Variants in GRID1 observed in about 807,000 individuals in gnomAD.
GRID1 encodes the protein glutamate ionotropic receptor delta type subunit 1.
In GRID1, 28 loss-of-function variants were observed where a neutral mutation model predicts 98.0. The observed-to-expected ratio is 0.29, with a 90% CI of 0.21 to 0.39. The LOEUF is 0.39. Among genes scored for constraint, GRID1 ranks in the 10% least tolerant of loss-of-function variants. The pLI is 1.00. For missense variants in GRID1, 1,111 were observed against 1,340.5 expected, an observed-to-expected ratio of 0.83 and a Z score of 2.67; for synonymous variants, 553 against 538.5, an observed-to-expected ratio of 1.03 and a Z score of -0.37.
intron 4 of GRID1, chr10:86,052,513 G>A (rs1488813222): frequency 6.6e-6 from 1 of 152,154 alleles, no homozygotes; most frequent in African/African-American, 2.4e-5. Context: ...GCAGAGTTAG[G>A]CCTGGTTAGT....
At chr10:86,032,587 G>A (rs995290149) in intron 4 of GRID1, among the ~76,000 whole-genome samples, 10 of 152,090 alleles carry the variant, frequency 6.6e-5, no homozygotes, top group South Asian at 6.2e-4. Flanking sequence ...GATTAAGGGC[G>A]GTGCAAGATG....
intron 13 of GRID1, among the ~76,000 whole-genome samples, chr10:85,630,400 G>C (rs1198752585): frequency 6.6e-6 from 1 of 152,126 alleles, no homozygotes; most frequent in Admixed American, 6.5e-5. Flanking sequence ...ACAACAACAC[G>C]TTATTCTCAT....
At chr10:85,868,594 A>C (rs1843245405) in intron 6 of GRID1, among the ~76,000 whole-genome samples, 1 of 152,168 alleles carries the variant, frequency 6.6e-6, no homozygotes, top group Non-Finnish European at 1.5e-5. Flanking sequence ...GTGCTGGGAT[A>C]GTCCCATCTT....
At chr10:86,075,189 A>G (rs1006411422) in intron 4 of GRID1, among the ~76,000 whole-genome samples, 91 of 145,458 alleles carry the variant, frequency 6.3e-4, no homozygotes, top group Middle Eastern at 6.8e-3. Context: ...CCCCTTCCAA[A>G]ATTCATATGC....
At chr10:86,341,679 T>G (rs1250575296) in intron 2 of GRID1, among the ~76,000 whole-genome samples, 3 of 152,180 alleles carry the variant, frequency 2.0e-5, no homozygotes, top group Non-Finnish European at 2.9e-5. Flanking sequence ...GCCTGGCATT[T>G]ACATCTGCGG....
intron 8 of GRID1, among the ~76,000 whole-genome samples, chr10:85,810,259 C>T (rs1842659329): frequency 6.6e-6 from 1 of 152,148 alleles, no homozygotes; most frequent in African/African-American, 2.4e-5. Flanking sequence ...CCATGGGATT[C>T]CACCATCTCT....
chr10:85,728,799 G>T (rs549633927), intron 9 of GRID1, among the ~76,000 whole-genome samples: 1 of 152,144 alleles, frequency 6.6e-6, no homozygotes, highest in African/African-American at 2.4e-5. Flanking sequence ...AGGGTGTAAA[G>T]CTTATCTGTG....
At chr10:86,241,414 C>G (rs1412978311) in intron 2 of GRID1, among the ~76,000 whole-genome samples, 4 of 149,684 alleles carry the variant, frequency 2.7e-5, no homozygotes, top group East Asian at 2.0e-4. Flanking sequence ...CAGGGGGGCC[C>G]CCTACAGCCG....
At chr10:85,614,813 C>T (rs148783772) in intron 14 of GRID1, among the ~76,000 whole-genome samples, 1 of 152,136 alleles carries the variant, frequency 6.6e-6, no homozygotes, top group Admixed American at 6.5e-5. Context: ...CTTCTATACT[C>T]CCCATTGTGG....
intron 12 of GRID1, among the ~76,000 whole-genome samples, chr10:85,705,332 C>T (rs1490929413): frequency 3.3e-5 from 5 of 152,276 alleles, no homozygotes; most frequent in South Asian, 2.1e-4. Flanking sequence ...ATAAACACCT[C>T]TACACAAATA....
At position 85,737,666 on chromosome 10, in the gene GRID1, ATATATAT is replaced by A. The variant is rs1564575087; in HGVS notation, c.1234-8059_1234-8053del. Among the ~76,000 whole-genome samples the A allele has an allele frequency of 3.8e-4, 51 of 133,998 alleles. 5 individuals carry two copies. The highest frequency in any genetic ancestry group is 1.1e-3 in the African/African-American group (39 of 35,464). The allele number at this position is 133,998 out of a possible 152,430, so 87.9% of individuals were successfully genotyped here. On this transcript the variant is annotated intron_variant, in intron 8 of 15. Transcript: ENST00000327946. ...GCCAGATATATATATATATATATAT[ATATATAT>A]AAACATATATGGTTATATATATATA... is the stretch of plus-strand genomic sequence containing the variant.
chr10:86,221,070 TA>T (rs1390518610), intron 2 of GRID1, among the ~76,000 whole-genome samples: 2 of 152,186 alleles, frequency 1.3e-5, no homozygotes, highest in East Asian at 3.9e-4. Flanking sequence ...CTGCTCCTAA[TA>T]TTTTCTGAGA....
chr10:86,206,931 G>T lies in GRID1; in HGVS notation c.236-283C>A, dbSNP rs1050514654. ...ATTTGCCCTAGGCTAGTCAGGGAAG[G>T]ATGGTAGAGCACAGATCCATCCCAA... On this transcript the variant is annotated intron_variant, in intron 2 of 15. Transcript: ENST00000327946. The surrounding 1 kb of genome is among the most constrained non-coding windows in gnomAD (Gnocchi z 4.1). Among the ~76,000 whole-genome samples the T allele has an allele frequency of 1.3e-5, 2 of 152,234 alleles. No individual in the cohort carries two copies. Among genetic ancestry groups the T allele is most frequent in the Non-Finnish European group, 2.9e-5 (2 of 68,046 alleles).
At chr10:85,954,557 G>A (rs1477083935) in intron 4 of GRID1, among the ~76,000 whole-genome samples, 1 of 152,008 alleles carries the variant, frequency 6.6e-6, no homozygotes, top group Admixed American at 6.6e-5. Flanking sequence ...ATTATAAAAG[G>A]GCCAAAGATA....
chr10:86,226,260 T>G (rs911596669), intron 2 of GRID1, among the ~76,000 whole-genome samples: 1 of 151,654 alleles, frequency 6.6e-6, no homozygotes, highest in African/African-American at 2.4e-5. Flanking sequence ...GCAAAGCTAT[T>G]GAAAAGCCAC....
intron 4 of GRID1, among the ~76,000 whole-genome samples, chr10:85,999,341 G>T (rs1464233560): frequency 6.6e-6 from 1 of 150,796 alleles, no homozygotes; most frequent in Non-Finnish European, 1.5e-5. Flanking sequence ...TTCCATAAAA[G>T]AAATATTCAG....
intron 4 of GRID1, among the ~76,000 whole-genome samples, chr10:85,925,769 C>G (rs1028076928): frequency 2.6e-5 from 4 of 152,192 alleles, no homozygotes; most frequent in East Asian, 3.9e-4. Context: ...TGACCCAGAG[C>G]GGGTACATCC....
rs191282845 is a variant in GRID1 at position 86,012,403 on chromosome 10, C to T, written c.727-96164G>A. Among the ~76,000 whole-genome samples, 4 of 152,070 alleles carry T rather than the reference C, an allele frequency of 2.6e-5. No homozygotes were observed. In the East Asian group the frequency reaches 5.8e-4, roughly 22 times the overall value. ...AGGTAATCGGCAGAGCCAGAGGGGTCGTCAGAATGTTCTAACCCATGGAGA... is the reference window on the plus strand; with the variant it reads ...AGGTAATCGGCAGAGCCAGAGGGGTTGTCAGAATGTTCTAACCCATGGAGA... On this transcript the variant is annotated intron_variant, in intron 4 of 15. Transcript: ENST00000327946.
At chr10:85,710,324 T>G (rs1202565089) in intron 12 of GRID1, among the ~76,000 whole-genome samples, 1 of 152,086 alleles carries the variant, frequency 6.6e-6, no homozygotes, top group Admixed American at 6.5e-5. Flanking sequence ...CCCTCTTGGG[T>G]ATGGTCAAAT....
Sources: allele counts gnomAD v4.1 joint callset (sites outside exome capture counted in the v4.1 genomes callset), GRCh38; gene constraint gnomAD v4.1.1; non-coding constraint Gnocchi (gnomAD v3.1); transcripts MANE v1.5; gene names NCBI Gene and HGNC (gene_info 2026-07-23, HGNC 2026-07-21).